Variants in KAZN observed in about 807,000 individuals in gnomAD.
KAZN encodes kazrin.
Under a neutral mutation model 87.4 loss-of-function variants are expected in KAZN, and 40 were observed. That is an observed-to-expected ratio of 0.46 (90% CI 0.36 to 0.60). KAZN has a LOEUF of 0.60. Ranked by LOEUF, KAZN falls within the 20% of genes least tolerant of loss-of-function variation. KAZN has a pLI of 0.00. For missense variants in KAZN, 898 were observed against 1,073.9 expected (o/e 0.84, Z 2.29); for synonymous variants, 466 against 458.3 (o/e 1.02, Z -0.22).
rs1322537550 is a variant in KAZN, at chr1:14,777,158, T to TGTG, written c.226+177935_226+177936insGTG. On this transcript the variant is annotated intron_variant, in intron 1 of 14. Transcript: ENST00000376030. Reference sequence around the variant, plus strand: ...GCCCGCCACCACACCCAGCTAATTTTTTTTTTTTTTTGTATTTTTAGTAGA... The same window carrying TGTG: ...GCCCGCCACCACACCCAGCTAATTTTGTGTTTTTTTTTTTGTATTTTTAGTAGA... Among the ~76,000 whole-genome samples, 254 of 70,022 alleles carry TGTG rather than the reference T, an allele frequency of 3.6e-3. 1 individual carries two copies. Among genetic ancestry groups the TGTG allele is most frequent in the Admixed American group, 0.032 (183 of 5,718 alleles). 45.9% of individuals were successfully genotyped at this position (70,022 alleles called of 152,430 possible). A position where few individuals can be genotyped will look rare whatever the true frequency, so the allele number is the denominator to read the frequency against.
rs371742615 is a variant in KAZN at position 15,014,235 on chromosome 1, GAATCAGA to G, written c.419-20509_419-20503del. ...TGGGAGGCAGGGAGAGTTTGTCTAA[GAATCAGA>G]AATCTGTGATTTAGACCTCTGATTC... is the stretch of plus-strand genomic sequence containing the variant. On this transcript the variant is annotated intron_variant, in intron 2 of 14. Coordinates refer to ENST00000376030, the MANE Select transcript of KAZN (RefSeq NM_201628.3). Among the ~76,000 whole-genome samples the G allele has an allele frequency of 2.6e-4, 39 of 152,236 alleles. 2 individuals carry two copies. Among genetic ancestry groups the G allele is most frequent in the African/African-American group, 9.4e-4 (39 of 41,504 alleles).
chr1:14,912,062 G>A (rs1198223523), intron 1 of KAZN, among the ~76,000 whole-genome samples: 2 of 146,364 alleles, frequency 1.4e-5, no homozygotes, highest in Non-Finnish European at 3.0e-5. Context: ...TGAGGCAGGA[G>A]AATCACTTGA....
intron 2 of KAZN, among the ~76,000 whole-genome samples, chr1:14,266,812 T>A (rs967568538): frequency 6.6e-6 from 1 of 152,190 alleles, no homozygotes; most frequent in Non-Finnish European, 1.5e-5. Context: ...AAAACCCAGG[T>A]GGACATTGGG....
chr1:14,082,883 T>C (rs1213010828), intron 1 of KAZN, among the ~76,000 whole-genome samples: 1 of 152,146 alleles, frequency 6.6e-6, no homozygotes, highest in Non-Finnish European at 1.5e-5. Flanking sequence ...TTTACTATGT[T>C]TCAAGAAATA....
intron 2 of KAZN, among the ~76,000 whole-genome samples, chr1:14,510,059 A>G (rs558980995): frequency 1.2e-4 from 18 of 152,292 alleles, no homozygotes; most frequent in Non-Finnish European, 2.2e-4. Context: ...GGTGCCAGAC[A>G]TAGATCTCCG....
intron 1 of KAZN, among the ~76,000 whole-genome samples, chr1:14,149,275 G>GTTT (rs1249415820): frequency 8.2e-4 from 92 of 112,390 alleles, no homozygotes; most frequent in African/African-American, 3.3e-3. Context: ...CTAATTTTTT[G>GTTT]TATTTTTTTT....
chr1:14,918,783 T>G (rs1658185942), intron 1 of KAZN, among the ~76,000 whole-genome samples: 1 of 146,970 alleles, frequency 6.8e-6, no homozygotes, highest in Admixed American at 6.9e-5. Context: ...ACTAGCCTTG[T>G]AAGTGAGTTT....
chr1:13,966,452 G>A (rs1641948796), intron 1 of KAZN, among the ~76,000 whole-genome samples: 1 of 152,200 alleles, frequency 6.6e-6, no homozygotes, highest in Admixed American at 6.5e-5. Flanking sequence ...CTGCAGTCTT[G>A]ATGTGTGAAG....
rs192481071 is a variant in KAZN at position 14,411,773 on chromosome 1, G to A, written c.250-187210G>A. On this transcript the variant is annotated intron_variant, in intron 2 of 16. Transcript: ENST00000636203. ...TTCAACAGAAAATCAAGCATCAAAT[G>A]TGAGCTGGAACCATAAAAAAGGTGA... 9.6e-4 allele frequency among the ~76,000 whole-genome samples: 146 copies of A among 152,306 alleles called. 1 individual carries two copies. The highest frequency in any genetic ancestry group is 2.0e-3 in the Non-Finnish European group (133 of 68,028).
At chr1:14,709,150 G>A (rs551883966) in intron 1 of KAZN, among the ~76,000 whole-genome samples, 2 of 152,256 alleles carry the variant, frequency 1.3e-5, no homozygotes, top group East Asian at 3.9e-4. Context: ...CAGATGAATC[G>A]GAGGCACGAA....
intron 2 of KAZN, among the ~76,000 whole-genome samples, chr1:14,467,248 TTA>T (rs1301015963): frequency 6.6e-6 from 1 of 151,970 alleles, no homozygotes; most frequent in African/African-American, 2.4e-5. Context: ...TAATTTAGCA[TTA>T]ATTTGAATTA....
chr1:14,298,120 G>A (rs962546107), intron 2 of KAZN, among the ~76,000 whole-genome samples: 1 of 152,106 alleles, frequency 6.6e-6, no homozygotes. Flanking sequence ...AACTACTTGG[G>A]GGGCTGAGGC....
intron 1 of KAZN, among the ~76,000 whole-genome samples, chr1:14,784,231 T>C (rs889365702): frequency 6.6e-6 from 1 of 152,168 alleles, no homozygotes; most frequent in East Asian, 1.9e-4. Flanking sequence ...ACCCTGATTA[T>C]CTAGGACAGA....
At chr1:14,344,164 T>TTTTTG (rs1491409861) in intron 2 of KAZN, among the ~76,000 whole-genome samples, 1 of 14,444 alleles carries the variant, frequency 6.9e-5, no homozygotes, top group African/African-American at 6.0e-4. Flanking sequence ...TCATGTATTC[T>TTTTTG]TTTTTTTTTT....
At chr1:14,443,165 T>A (rs546936785) in intron 2 of KAZN, among the ~76,000 whole-genome samples, 1 of 152,220 alleles carries the variant, frequency 6.6e-6, no homozygotes, top group East Asian at 1.9e-4. Context: ...CCAAGTAATA[T>A]ATTAAAAGAA....
intron 1 of KAZN, among the ~76,000 whole-genome samples, chr1:14,770,806 A>G (rs1039613967): frequency 1.3e-5 from 2 of 152,206 alleles, no homozygotes; most frequent in East Asian, 1.9e-4. Flanking sequence ...TAAGAGAGAA[A>G]CATGCATTTT....
intron 1 of KAZN, among the ~76,000 whole-genome samples, chr1:14,643,019 A>C (rs886065652): frequency 3.3e-5 from 5 of 152,234 alleles, no homozygotes; most frequent in African/African-American, 1.2e-4. Flanking sequence ...TCCCGGGTAC[A>C]TAAACCCCTG....
chr1:14,861,501 G>C (rs1056143943), intron 1 of KAZN, among the ~76,000 whole-genome samples: 1 of 152,206 alleles, frequency 6.6e-6, no homozygotes, highest in African/African-American at 2.4e-5. Context: ...AAAGGATCCT[G>C]TTTCTCCACT....
chr1:14,433,869 A>T (rs1326228486), intron 2 of KAZN, among the ~76,000 whole-genome samples: 1 of 152,206 alleles, frequency 6.6e-6, no homozygotes, highest in Non-Finnish European at 1.5e-5. Context: ...CAAAAACAAA[A>T]AAAAAGGAGA....
Sources: gnomAD v4.1 joint callset for allele counts (sites outside exome capture counted in the v4.1 genomes callset) on GRCh38, gnomAD v4.1.1 for gene constraint, MANE v1.5 for transcripts, NCBI Gene and HGNC (gene_info 2026-07-23, HGNC 2026-07-21) for gene names.